Variants in GALNT11 observed in about 807,000 individuals in gnomAD.
GALNT11 encodes the protein UDP-GalNAc:polypeptide N-acetylgalactosaminyltransferase 11.
GALNT11 carries 47 observed loss-of-function variants against 72.7 expected under a neutral mutation model. The ratio of observed to expected loss-of-function variants is 0.65; its 90% CI spans 0.51 to 0.82. The LOEUF (loss-of-function observed/expected upper bound fraction) is 0.82, where lower values mean the gene tolerates loss of function less well. Ranked by LOEUF, GALNT11 falls within the 40% of genes least tolerant of loss-of-function variation. GALNT11 has a pLI of 0.00. For missense variants in GALNT11, 677 were observed against 778.4 expected (o/e 0.87, Z 1.55); for synonymous variants, 270 against 286.6 (o/e 0.94, Z 0.58).
At chr7:152,032,319 G>A (rs1400523624) in intron 1 of GALNT11, among the ~76,000 whole-genome samples, 2 of 152,158 alleles carry the variant, frequency 1.3e-5, no homozygotes, top group Non-Finnish European at 2.9e-5. Flanking sequence ...AAGAGAAACT[G>A]GGAGTCATGG....
intron 1 of GALNT11, among the ~76,000 whole-genome samples, chr7:152,030,378 C>T (rs2082248699): frequency 6.6e-6 from 1 of 152,148 alleles, no homozygotes; most frequent in Non-Finnish European, 1.5e-5. Flanking sequence ...GCTCCTATCC[C>T]TGTATGGCCT....
intron 1 of GALNT11, among the ~76,000 whole-genome samples, chr7:152,047,460 A>T (rs970013315): frequency 6.6e-6 from 1 of 151,944 alleles, no homozygotes; most frequent in Admixed American, 6.6e-5. Flanking sequence ...GGGAGACTCC[A>T]TCTCAAAACA....
intron 1 of GALNT11, among the ~76,000 whole-genome samples, chr7:152,090,645 C>A (rs2085953335): frequency 1.4e-5 from 2 of 139,212 alleles, no homozygotes; most frequent in East Asian, 2.3e-4. Flanking sequence ...CTTATTCCCC[C>A]ACCCCCCCAC....
intron 6 of GALNT11, among the ~76,000 whole-genome samples, chr7:152,108,714 C>T (rs1031448780): frequency 6.6e-6 from 1 of 152,134 alleles, no homozygotes; most frequent in African/African-American, 2.4e-5. Flanking sequence ...AGATGGATTC[C>T]TGCTAGTATA....
intron 1 of GALNT11, among the ~76,000 whole-genome samples, chr7:152,082,988 C>T (rs2129023022): frequency 6.6e-6 from 1 of 152,270 alleles, no homozygotes; most frequent in Admixed American, 6.5e-5. Flanking sequence ...TTTTTAGAAT[C>T]TCTATTTGAG....
chr7:152,054,054 A>G (rs188991024), intron 1 of GALNT11, among the ~76,000 whole-genome samples: 26 of 152,176 alleles, frequency 1.7e-4, no homozygotes, highest in African/African-American at 5.8e-4. Context: ...TTTTTAATAT[A>G]CTTGTTCCAT....
intron 1 of GALNT11, among the ~76,000 whole-genome samples, chr7:152,091,532 G>A (rs987604461): frequency 3.5e-4 from 53 of 151,818 alleles, no homozygotes; most frequent in African/African-American, 1.2e-3. Context: ...GAGCCACCGC[G>A]CCCGGCCCTA....
intron 1 of GALNT11, among the ~76,000 whole-genome samples, chr7:152,056,210 A>C (rs2152042138): frequency 6.6e-6 from 1 of 152,338 alleles, no homozygotes; most frequent in South Asian, 2.1e-4. Flanking sequence ...GCATCACAGA[A>C]CAGGGTTTCT....
intron 1 of GALNT11, among the ~76,000 whole-genome samples, chr7:152,073,781 C>T (rs748749258): frequency 6.6e-6 from 1 of 152,142 alleles, no homozygotes; most frequent in Non-Finnish European, 1.5e-5. Flanking sequence ...GTTCATTTTT[C>T]TCTGCATCCT....
chr7:152,119,445 G>GA (rs958039329), intron 10 of GALNT11: 22 of 150,264 alleles, frequency 1.5e-4, no homozygotes, highest in Non-Finnish European at 1.9e-4. Flanking sequence ...ACTCAGAAAG[G>GA]AAAAAAAAAG....
intron 3 of GALNT11, among the ~76,000 whole-genome samples, chr7:152,102,025 A>G (rs2086969306): frequency 6.6e-6 from 1 of 152,090 alleles, no homozygotes; most frequent in Non-Finnish European, 1.5e-5. Context: ...CTCTTCTGTT[A>G]TCTTGGTATA....
chr7:152,113,814 G>GCAGC (rs906729950), intron 8 of GALNT11, among the ~76,000 whole-genome samples: 1 of 138,658 alleles, frequency 7.2e-6, no homozygotes, highest in African/African-American at 2.7e-5. Flanking sequence ...ACGGCTCACT[G>GCAGC]CAGCCTCAGT....
intron 1 of GALNT11, among the ~76,000 whole-genome samples, chr7:152,075,796 C>CAAA (rs775384082): frequency 0.014 from 1,479 of 109,368 alleles, 31 homozygotes; most frequent in African/African-American, 0.043. Context: ...AACTCTGTCT[C>CAAA]AAAAAAAAAA....
At chr7:152,093,519 G>A (rs554759531) in intron 1 of GALNT11, among the ~76,000 whole-genome samples, 67 of 152,068 alleles carry the variant, frequency 4.4e-4, no homozygotes, top group South Asian at 6.2e-4. Context: ...TCCGCCTCCC[G>A]GGTTCAAGAG....
intron 1 of GALNT11, among the ~76,000 whole-genome samples, chr7:152,070,146 G>A (rs947616098): frequency 2.6e-5 from 4 of 151,754 alleles, no homozygotes; most frequent in East Asian, 1.9e-4. Context: ...ATAGGTGCCC[G>A]CCACCACGCC....
At chr7:152,110,792 G>A (rs746335739) in intron 7 of GALNT11, 147 bp downstream of exon 7, 8 of 622,704 alleles carry the variant, frequency 1.3e-5, no homozygotes, top group African/African-American at 5.7e-5. Context: ...GTGCAGTGGC[G>A]TGGTCATGGC....
intron 1 of GALNT11, among the ~76,000 whole-genome samples, chr7:152,076,367 A>C (rs377690597): frequency 6.6e-6 from 1 of 152,178 alleles, no homozygotes; most frequent in East Asian, 1.9e-4. Context: ...TCTGAATCCA[A>C]GTTGTGTATT....
chr7:152,038,231 C>T (rs1416534708), intron 1 of GALNT11, among the ~76,000 whole-genome samples: 3 of 152,272 alleles, frequency 2.0e-5, no homozygotes, highest in Middle Eastern at 3.4e-3. Flanking sequence ...TCAGGGGCCT[C>T]ACAGCCTTCA....
intron 1 of GALNT11, among the ~76,000 whole-genome samples, chr7:152,078,148 G>A (rs1189034004): frequency 1.3e-5 from 2 of 152,066 alleles, no homozygotes; most frequent in Non-Finnish European, 2.9e-5. Flanking sequence ...TCCATCCTGA[G>A]AAAGTCTGAC....
Sources: gnomAD v4.1 joint callset for allele counts (sites outside exome capture counted in the v4.1 genomes callset) on GRCh38, gnomAD v4.1.1 for gene constraint, MANE v1.5 for transcripts, NCBI Gene and HGNC (gene_info 2026-07-23, HGNC 2026-07-21) for gene names.